The following TMEM131 variants were observed in gnomAD, a reference collection of about 807,000 sequenced individuals.
TMEM131 encodes 2610524E03Rik.
TMEM131 carries 66 observed loss-of-function variants against 211.6 expected under a neutral mutation model. The observed-to-expected ratio is 0.31, with a 90% CI of 0.26 to 0.38. TMEM131 has a LOEUF of 0.38. TMEM131 is among the 10% of genes least tolerant of loss of function. The pLI is 1.00. For missense variants in TMEM131, 2,036 were observed against 2,299.3 expected, an observed-to-expected ratio of 0.89 and a Z score of 2.34; for synonymous variants, 844 against 841.3, an observed-to-expected ratio of 1.00 and a Z score of -0.06.
chr2:97,903,586 G>T (rs1475844780), intron 3 of TMEM131, among the ~76,000 whole-genome samples: 1 of 152,198 alleles, frequency 6.6e-6, no homozygotes, highest in African/African-American at 2.4e-5. Flanking sequence ...CTGATAGGAT[G>T]CATTGGGAGA....
chr2:97,798,110 A>G (rs1358161779), intron 25 of TMEM131, among the ~76,000 whole-genome samples: 1 of 152,270 alleles, frequency 6.6e-6, no homozygotes, highest in Non-Finnish European at 1.5e-5. Context: ...CTTATTTTGA[A>G]GGTTACACAC....
intron 1 of TMEM131, among the ~76,000 whole-genome samples, chr2:97,938,550 G>C (rs1440748812): frequency 1.3e-5 from 2 of 152,112 alleles, no homozygotes; most frequent in African/African-American, 4.8e-5. Flanking sequence ...CACCTACAAA[G>C]AGACTTAGAC....
intron 2 of TMEM131, among the ~76,000 whole-genome samples, chr2:97,911,203 C>T (rs1676277695): frequency 6.6e-6 from 1 of 152,170 alleles, no homozygotes; most frequent in Admixed American, 6.5e-5. Context: ...CAAAAAAGTA[C>T]ATTCTGTATG....
rs530012524 is a variant in TMEM131 at position 97,805,319 on chromosome 2, C to T, written c.2284+57G>A. 8.9e-5 allele frequency: 141 copies of T among 1,587,036 alleles called. No individual in the cohort carries two copies. The African/African-American group carries it at 1.7e-3, about 19-fold the overall frequency. ...GTACTTTAAAAGTGGCGGCCTCTTA[C>T]TAAAAGAGTATTTTGGGGGAAGTGA... is the stretch of plus-strand genomic sequence containing the variant. On this transcript the variant is annotated intron_variant, in intron 21 of 40. Transcript: ENST00000186436.
At chr2:97,766,314 T>G in intron 34 of TMEM131, 51 bp from the exon 35 acceptor site, 1 of 1,610,922 alleles carries the variant, frequency 6.2e-7, no homozygotes, top group South Asian at 1.1e-5. Flanking sequence ...ATTCCTTTCT[T>G]TCAGGTCTAT....
At chr2:97,791,456 C>T (rs772985736) in intron 31 of TMEM131, among the ~76,000 whole-genome samples, 19 of 152,222 alleles carry the variant, frequency 1.2e-4, no homozygotes, top group Non-Finnish European at 1.9e-4. Flanking sequence ...CTGTGACCCG[C>T]TCTGTGGAGA....
At chr2:97,944,233 AC>A (rs1173050874) in intron 1 of TMEM131, among the ~76,000 whole-genome samples, 1 of 152,194 alleles carries the variant, frequency 6.6e-6, no homozygotes, top group Admixed American at 6.5e-5. Context: ...GGAGAAAAGA[AC>A]AATCTTCTCA....
At chr2:97,821,641 GA>G (rs1220790594) in intron 11 of TMEM131, among the ~76,000 whole-genome samples, 1 of 152,202 alleles carries the variant, frequency 6.6e-6, no homozygotes, top group Non-Finnish European at 1.5e-5. Context: ...ACCCACATGG[GA>G]TACATTTTGG....
chr2:97,814,849 A>C (rs1681742537), intron 13 of TMEM131, among the ~76,000 whole-genome samples: 1 of 152,164 alleles, frequency 6.6e-6, no homozygotes, highest in Non-Finnish European at 1.5e-5. Flanking sequence ...TTCTGTTTCG[A>C]GTGTCAAAAT....
intron 2 of TMEM131, among the ~76,000 whole-genome samples, chr2:97,914,680 A>G (rs920978521): frequency 2.0e-5 from 3 of 152,110 alleles, no homozygotes; most frequent in Non-Finnish European, 2.9e-5. Context: ...TTCTCTGGAG[A>G]CTTACCCAGG....
intron 5 of TMEM131, among the ~76,000 whole-genome samples, chr2:97,851,925 C>T (rs566174604): frequency 6.6e-6 from 1 of 152,254 alleles, no homozygotes; most frequent in African/African-American, 2.4e-5. Context: ...CTCACTTTAA[C>T]CCAAAATCTG....
rs368436943 is a variant in TMEM131 at position 97,792,511 on chromosome 2, T to C, written c.4019A>G (p.His1340Arg). The change falls in exon 31 of 41, where the codon CAC becomes CGC. Residue 1340 changes from histidine to arginine, a missense_variant. By Grantham distance (29) the His-to-Arg change is conservative (BLOSUM62 0). Transcript: ENST00000186436. ...SHPERASSAR[H>R]SSEDSDITSL... ...GGTGATGTCCGAGTCCTCGGAACTG[T>C]GCCTCGCGCTGCTGGCACGTTCTGG... 5.1e-5 allele frequency: 83 copies of C among 1,613,502 alleles called. No homozygotes were observed. The highest frequency in any genetic ancestry group is 6.5e-5 in the Non-Finnish European group (77 of 1,179,750).
rs141735024 is a variant in TMEM131, at chr2:97,846,722, A to C, written c.484-2461T>G. 3.2e-3 allele frequency among the ~76,000 whole-genome samples: 482 copies of C among 152,090 alleles called. 6 individuals are homozygous for C. The East Asian group carries it at 0.039, about 12-fold the overall frequency. The stretch of plus-strand genomic sequence containing the variant: ...ATTAGTGTATTTTATGTGTGGCCCA[A>C]GACAATTCTTCTTCTTCCAATGTGC... On this transcript the variant is annotated intron_variant, in intron 5 of 40. Transcript: ENST00000186436.
At chr2:97,957,178 C>T (rs1384053499) in intron 1 of TMEM131, among the ~76,000 whole-genome samples, 2 of 151,622 alleles carry the variant, frequency 1.3e-5, no homozygotes, top group African/African-American at 2.4e-5. Context: ...ACTTTGTTCA[C>T]ATTTATTCCA....
chr2:97,821,465 G>A (rs1002009251), intron 11 of TMEM131, among the ~76,000 whole-genome samples: 3 of 152,204 alleles, frequency 2.0e-5, no homozygotes, highest in African/African-American at 7.2e-5. Context: ...GGCTGTGGAA[G>A]CTTTGTTCTT....
intron 1 of TMEM131, among the ~76,000 whole-genome samples, chr2:97,951,124 A>G (rs2104531423): frequency 6.6e-6 from 1 of 152,346 alleles, no homozygotes; most frequent in South Asian, 2.1e-4. Flanking sequence ...CAGCACAACC[A>G]GACATATTGT....
rs775690126 is a variant in TMEM131, at chr2:97,802,513, G to C, written c.2566C>G (p.Pro856Ala). 1 of 1,611,742 alleles carries C rather than the reference G, an allele frequency of 6.2e-7. No homozygotes were observed. The highest frequency in any genetic ancestry group is 2.2e-5 in the East Asian group (1 of 44,788). Residue 856 changes from proline (P) to alanine (A), a missense_variant, in exon 24 of 41, where the codon CCT becomes GCT. Pro to Ala is a conservative substitution (Grantham distance 27). Around this residue, in one of 3 missense-constraint regions of TMEM131, gnomAD observed 1,623 missense variants for 1,805.9 expected, o/e 0.90. Transcript: ENST00000186436. ...SSEEEITLENPADVPVYVQFI... is the reference protein window; with the variant it reads ...SSEEEITLENAADVPVYVQFI... ...TGAACATAGACAGGAACATCTGCAG[G>C]ATTTTCTAAAGTAATCTCTTCTTCC...
chr2:97,840,822 C>T (rs1047251384), intron 7 of TMEM131, among the ~76,000 whole-genome samples: 1 of 152,170 alleles, frequency 6.6e-6, no homozygotes, highest in African/African-American at 2.4e-5. Flanking sequence ...GCTATCTTCA[C>T]CCAGTTGTTG....
intron 1 of TMEM131, among the ~76,000 whole-genome samples, chr2:97,986,415 C>T (rs1202763944): frequency 1.3e-5 from 2 of 152,182 alleles, no homozygotes; most frequent in African/African-American, 4.8e-5. Flanking sequence ...TAGTTCTTGA[C>T]TGGTTACAGT....
Sources: gnomAD v4.1 joint callset for allele counts (sites outside exome capture counted in the v4.1 genomes callset) on GRCh38, gnomAD v4.1.1 for gene constraint, gnomAD v4.1.1 regional missense constraint, MANE v1.5 for transcripts, NCBI Gene and HGNC (gene_info 2026-07-23, HGNC 2026-07-21) for gene names.